Variants in WIPI2 observed in about 807,000 individuals in gnomAD.
The protein encoded by WIPI2 is WD repeat domain, phosphoinositide interacting 2, also known as WD repeat domain phosphoinositide-interacting protein 2.
In WIPI2, 28 loss-of-function variants were observed where a neutral mutation model predicts 52.3. The ratio of observed to expected loss-of-function variants is 0.54; its 90% CI spans 0.40 to 0.73. The LOEUF (loss-of-function observed/expected upper bound fraction) is 0.73, where lower values mean the gene tolerates loss of function less well. Among genes scored for constraint, WIPI2 ranks in the 30% least tolerant of loss-of-function variants. The pLI is 0.00. For missense variants in WIPI2, 506 were observed against 602.9 expected, an observed-to-expected ratio of 0.84 and a Z score of 1.68; for synonymous variants, 268 against 245.0, an observed-to-expected ratio of 1.09 and a Z score of -0.88.
Position 5,230,144 on chromosome 7 carries a change from A to G in WIPI2, c.1252+406A>G, listed in dbSNP as rs1280973694. Among the ~76,000 whole-genome samples the G allele has an allele frequency of 6.6e-6, 1 of 152,108 alleles. No homozygotes were observed. The highest frequency in any genetic ancestry group is 1.5e-5 in the Non-Finnish European group (1 of 68,006). On this transcript the variant is annotated intron_variant, in intron 12 of 12. Coordinates refer to ENST00000288828, the MANE Select transcript of WIPI2 (RefSeq NM_015610.4). This position sits in a 1 kb window ranked among gnomAD's most constrained non-coding sequence, Gnocchi z 4.8. The stretch of plus-strand genomic sequence containing the variant: ...CTGGGGTCACGTGACTTGGGCCCAG[A>G]CTGGCCACCTCTCAGCCAAGATACC...
At chr7:5,220,822 GTCTC>G (rs1339330033) in intron 7 of WIPI2, among the ~76,000 whole-genome samples, 5 of 151,602 alleles carry the variant, frequency 3.3e-5, no homozygotes, top group Non-Finnish European at 7.4e-5. Context: ...TTGAGACAGA[GTCTC>G]TCTGTAGCCC....
At chr7:5,221,594 C>T (rs73328755) in intron 7 of WIPI2, among the ~76,000 whole-genome samples, 9,862 of 152,146 alleles carry the variant, frequency 0.065, 623 homozygotes, top group African/African-American at 0.15. Context: ...AAGTCCTGCT[C>T]GTTATTTTCT....
intron 3 of WIPI2, among the ~76,000 whole-genome samples, chr7:5,211,074 C>T (rs1162480099): frequency 6.6e-6 from 1 of 152,214 alleles, no homozygotes; most frequent in Non-Finnish European, 1.5e-5. Flanking sequence ...CTCAGTAGCC[C>T]TATGTAGACC....
At chr7:5,214,402 CAT>C in intron 3 of WIPI2, 131 bp from the exon 4 acceptor site, 1 of 1,608,052 alleles carries the variant, frequency 6.2e-7, no homozygotes, top group Non-Finnish European at 8.5e-7. Flanking sequence ...CCCATGACCA[CAT>C]GTTCCGCAGG....
At chr7:5,192,861 T>G (rs933232130) in intron 1 of WIPI2, among the ~76,000 whole-genome samples, 22 of 152,244 alleles carry the variant, frequency 1.4e-4, no homozygotes, top group Admixed American at 3.9e-4. Context: ...AGAACTCACA[T>G]TTACTGTATG....
intron 9 of WIPI2, chr7:5,226,180 C>G: frequency 2.2e-6 from 1 of 464,258 alleles, no homozygotes; most frequent in East Asian, 3.9e-5. Context: ...GCATGGAGGG[C>G]CCAGGTGGAC....
At chr7:5,191,434 T>C (rs1487728007) in intron 1 of WIPI2, among the ~76,000 whole-genome samples, 1 of 152,172 alleles carries the variant, frequency 6.6e-6, no homozygotes, top group East Asian at 1.9e-4. Flanking sequence ...AGAGAGGCGT[T>C]ACGGACCAGT....
At position 5,227,800 on chromosome 7, in the gene WIPI2, T is replaced by G. The variant is rs1238262294; in HGVS notation, c.1014-304T>G. Reference sequence around the variant, plus strand: ...GCTTCCGTGCGTCTTTAAACATCATTTTCCAGTTTTGTTATCTGACTAGCA... The same window carrying G: ...GCTTCCGTGCGTCTTTAAACATCATGTTCCAGTTTTGTTATCTGACTAGCA... On this transcript the variant is annotated intron_variant, in intron 10 of 12. Coordinates refer to ENST00000288828, the MANE Select transcript of WIPI2 (RefSeq NM_015610.4). This position sits in a 1 kb window ranked among gnomAD's most constrained non-coding sequence, Gnocchi z 8.1. Among the ~76,000 whole-genome samples the G allele has an allele frequency of 6.6e-6, 1 of 152,148 alleles. No individual in the cohort carries two copies. Among genetic ancestry groups the G allele is most frequent in the African/African-American group, 2.4e-5 (1 of 41,438 alleles).
chr7:5,227,048 C>A lies in WIPI2; in HGVS notation c.849-132C>A. 1.5e-6 allele frequency: 2 copies of A among 1,292,172 alleles called. No individual in the cohort carries two copies. The highest frequency in any genetic ancestry group is 2.1e-6 in the Non-Finnish European group (2 of 936,548). The allele number at this position is 1,292,172 out of a possible 1,614,324, so 80.0% of individuals were successfully genotyped here. On this transcript the variant is annotated intron_variant, in intron 9 of 12. Coordinates refer to ENST00000288828, the MANE Select transcript of WIPI2 (RefSeq NM_015610.4). This position sits in a 1 kb window ranked among gnomAD's most constrained non-coding sequence, Gnocchi z 8.1. ...GCCCTGAGTGTCTGCTTATAACCAA[C>A]CCTGTTTAATTTTCCTGTGAAGAAT...
intron 7 of WIPI2, among the ~76,000 whole-genome samples, chr7:5,221,219 C>T (rs1194276363): frequency 6.6e-6 from 1 of 151,872 alleles, no homozygotes; most frequent in Non-Finnish European, 1.5e-5. Flanking sequence ...ACCTCGGGCT[C>T]CCAAAGCTTG....
chr7:5,217,236 C>T, intron 6 of WIPI2, 49 bp downstream of exon 6: 1 of 1,591,874 alleles, frequency 6.3e-7, no homozygotes, highest in South Asian at 1.1e-5. Flanking sequence ...TGGCTTTTTC[C>T]TGAAGAGGAG....
At chr7:5,208,421 G>GC (rs1554252853) in intron 3 of WIPI2, among the ~76,000 whole-genome samples, 1 of 147,106 alleles carries the variant, frequency 6.8e-6, no homozygotes, top group Non-Finnish European at 1.5e-5. Flanking sequence ...TATTTATGTT[G>GC]TTTTTTTTTT....
At chr7:5,221,485 C>G (rs1249374687) in intron 7 of WIPI2, among the ~76,000 whole-genome samples, 5 of 152,206 alleles carry the variant, frequency 3.3e-5, no homozygotes, top group African/African-American at 1.2e-4. Flanking sequence ...TGGAATGCTA[C>G]CCATTTTAAG....
At chr7:5,200,592 T>C (rs1781975072) in intron 3 of WIPI2, among the ~76,000 whole-genome samples, 1 of 151,748 alleles carries the variant, frequency 6.6e-6, no homozygotes, top group South Asian at 2.1e-4. Flanking sequence ...TTGCTCTTAC[T>C]GCCCAGGCTG....
rs954229941 is a variant in WIPI2 at position 5,209,418 on chromosome 7, G to C, written c.212-5117G>C. 2.6e-5 allele frequency among the ~76,000 whole-genome samples: 4 copies of C among 152,134 alleles called. No individual in the cohort carries two copies. The South Asian group carries it at 6.2e-4, about 24-fold the overall frequency. On this transcript the variant is annotated intron_variant, in intron 3 of 12. Coordinates refer to ENST00000288828, the MANE Select transcript of WIPI2 (RefSeq NM_015610.4). ...ACCATTAAGTACAGTGTCAGCTGTA[G>C]ATTTTCTTAACTGTTTCTTAACCTT...
intron 2 of WIPI2, among the ~76,000 whole-genome samples, chr7:5,196,293 G>A (rs1327324687): frequency 6.6e-6 from 1 of 151,978 alleles, no homozygotes; most frequent in African/African-American, 2.4e-5. Context: ...AGGTTCCAGT[G>A]AGCCGAGATT....
At chr7:5,222,776 C>T (rs186020151) in intron 8 of WIPI2, 104 bp downstream of exon 8, 29 of 1,159,354 alleles carry the variant, frequency 2.5e-5, no homozygotes, top group African/African-American at 1.1e-4. Flanking sequence ...GAATTCCACA[C>T]GAGCATTTCT....
chr7:5,198,267 A>G (rs1781847265), intron 2 of WIPI2, among the ~76,000 whole-genome samples: 1 of 151,436 alleles, frequency 6.6e-6, no homozygotes, highest in Admixed American at 6.6e-5. Context: ...GCCTGCGCCC[A>G]CCTCGATTTT....
intron 2 of WIPI2, among the ~76,000 whole-genome samples, chr7:5,194,589 T>C (rs539326328): frequency 7.0e-4 from 107 of 152,280 alleles, no homozygotes; most frequent in African/African-American, 2.3e-3. Flanking sequence ...CCTAATAAAA[T>C]GTTAATCAGT....
Sources: allele counts gnomAD v4.1 joint callset (sites outside exome capture counted in the v4.1 genomes callset), GRCh38; gene constraint gnomAD v4.1.1; non-coding constraint Gnocchi (gnomAD v3.1); transcripts MANE v1.5; gene names NCBI Gene and HGNC (gene_info 2026-07-23, HGNC 2026-07-21).